The following PTPRD variants were observed in gnomAD, a reference collection of about 807,000 sequenced individuals.
The protein encoded by PTPRD is protein tyrosine phosphatase receptor type D.
A neutral mutation model predicts 214.5 loss-of-function variants in PTPRD; 34 were observed. The observed-to-expected ratio is 0.16, with a 90% CI of 0.12 to 0.21. The LOEUF (loss-of-function observed/expected upper bound fraction) is 0.21, where lower values mean the gene tolerates loss of function less well. Among genes scored for constraint, PTPRD ranks in the 10% least tolerant of loss-of-function variants. PTPRD has a pLI of 1.00. For synonymous variants in PTPRD, 1,128 were observed against 845.7 expected, an observed-to-expected ratio of 1.33 and a Z score of -5.79; for missense variants, 2,545 against 2,398.7, an observed-to-expected ratio of 1.06 and a Z score of -1.27.
intron 2 of PTPRD, among the ~76,000 whole-genome samples, chr9:10,355,311 T>C (rs2097256508): frequency 6.6e-6 from 1 of 152,144 alleles, no homozygotes; most frequent in African/African-American, 2.4e-5. Flanking sequence ...TCAACTAAAT[T>C]TGGGAACTAC....
intron 4 of PTPRD, among the ~76,000 whole-genome samples, chr9:10,024,403 T>G (rs1196921437): frequency 6.6e-6 from 1 of 152,174 alleles, no homozygotes; most frequent in Non-Finnish European, 1.5e-5. Context: ...ATGGAACCCC[T>G]TATTATATAA....
At chr9:10,121,024 G>T (rs553672059) in intron 3 of PTPRD, among the ~76,000 whole-genome samples, 2 of 152,010 alleles carry the variant, frequency 1.3e-5, no homozygotes, top group Non-Finnish European at 1.5e-5. Context: ...GACTAAATAG[G>T]GTTGTAGAAT....
intron 3 of PTPRD, among the ~76,000 whole-genome samples, chr9:10,244,079 A>G (rs1050427712): frequency 7.4e-5 from 11 of 149,090 alleles, no homozygotes; most frequent in Middle Eastern, 3.5e-3. Flanking sequence ...TAGAGAGCCT[A>G]CAATCACTGT....
intron 3 of PTPRD, among the ~76,000 whole-genome samples, chr9:10,158,550 G>A (rs998698727): frequency 3.9e-5 from 6 of 152,070 alleles, no homozygotes; most frequent in African/African-American, 1.5e-4. Flanking sequence ...TAGGAAACCA[G>A]AAACAAATAC....
At chr9:8,418,615 G>A (rs561044587) in intron 35 of PTPRD, among the ~76,000 whole-genome samples, 10 of 148,982 alleles carry the variant, frequency 6.7e-5, no homozygotes, top group African/African-American at 2.5e-4. Flanking sequence ...CAATTTCTGT[G>A]AAAGTCTTTC....
chr9:10,570,840 T>C (rs2067198147), intron 2 of PTPRD, among the ~76,000 whole-genome samples: 1 of 152,164 alleles, frequency 6.6e-6, no homozygotes. Flanking sequence ...ATGTCGTCAG[T>C]ATTACTGGAG....
At chr9:9,367,767 C>T (rs1396966307) in intron 9 of PTPRD, among the ~76,000 whole-genome samples, 3 of 151,590 alleles carry the variant, frequency 2.0e-5, no homozygotes, top group Non-Finnish European at 4.4e-5. Context: ...TATGCTAACT[C>T]GAATTTGCAA....
intron 9 of PTPRD, among the ~76,000 whole-genome samples, chr9:9,361,464 C>G (rs998896886): frequency 6.6e-6 from 1 of 150,906 alleles, no homozygotes; most frequent in Non-Finnish European, 1.5e-5. Context: ...TTACCTTGTT[C>G]ATAGTGTTTT....
At chr9:9,552,498 T>G (rs1210880030) in intron 8 of PTPRD, among the ~76,000 whole-genome samples, 1 of 152,092 alleles carries the variant, frequency 6.6e-6, no homozygotes, top group East Asian at 1.9e-4. Context: ...CTTTATAACT[T>G]ACTTCAGCTT....
intron 19 of PTPRD, among the ~76,000 whole-genome samples, chr9:8,522,579 G>A (rs1437834549): frequency 2.0e-5 from 3 of 152,124 alleles, no homozygotes; most frequent in South Asian, 2.1e-4. Context: ...ACATACAGCA[G>A]GACATGACAT....
At chr9:9,475,628 G>A (rs1314778556) in intron 8 of PTPRD, among the ~76,000 whole-genome samples, 1 of 152,096 alleles carries the variant, frequency 6.6e-6, no homozygotes, top group Non-Finnish European at 1.5e-5. Context: ...AGTGTCTTAC[G>A]AAATGGTAGG....
chr9:9,072,712 G>T (rs1275076563), intron 10 of PTPRD, among the ~76,000 whole-genome samples: 2 of 152,088 alleles, frequency 1.3e-5, no homozygotes, highest in Non-Finnish European at 2.9e-5. Context: ...TTTGCACATG[G>T]GAAATCTTAC....
chr9:10,333,635 T>G (rs1458754171), intron 3 of PTPRD, among the ~76,000 whole-genome samples: 1 of 151,810 alleles, frequency 6.6e-6, no homozygotes, highest in African/African-American at 2.4e-5. Context: ...AGCAAGGAAT[T>G]TTAAACTCAG....
chr9:9,748,892 G>T (rs190203648), intron 6 of PTPRD, among the ~76,000 whole-genome samples: 2 of 152,220 alleles, frequency 1.3e-5, no homozygotes, highest in East Asian at 3.9e-4. Flanking sequence ...TCTGCATACT[G>T]ATATTCATTT....
chr9:9,900,064 C>A (rs1478862271), intron 5 of PTPRD, among the ~76,000 whole-genome samples: 1 of 152,108 alleles, frequency 6.6e-6, no homozygotes, highest in Non-Finnish European at 1.5e-5. Context: ...ATTCTGTGTT[C>A]ATGGAGTGAA....
rs1010302566 is a variant in PTPRD at position 10,280,466 on chromosome 9, A to G, written c.-545+60497T>C. On this transcript the variant is annotated intron_variant, in intron 3 of 45. Transcript: ENST00000381196. ...ATTCAGAATGATTAGAGTAATAAAG[A>G]TGAGTTCAGAATAATTAAACAATAT... Among the ~76,000 whole-genome samples, 2 of 152,118 alleles carry G rather than the reference A, an allele frequency of 1.3e-5. 1 individual carries two copies. The highest frequency in any genetic ancestry group is 4.1e-4 in the South Asian group (2 of 4,822).
chr9:9,899,821 T>G (rs1050482768), intron 5 of PTPRD, among the ~76,000 whole-genome samples: 9 of 151,880 alleles, frequency 5.9e-5, no homozygotes, highest in African/African-American at 2.2e-4. Flanking sequence ...AAGAAACAGA[T>G]AAAGAAGATT....
chr9:9,705,738 A>C (rs2097587643), intron 7 of PTPRD, among the ~76,000 whole-genome samples: 1 of 152,214 alleles, frequency 6.6e-6, no homozygotes, highest in South Asian at 2.1e-4. Context: ...ATGTACAAAA[A>C]AATCAAAAAA....
chr9:10,349,656 A>G (rs1307748898), intron 2 of PTPRD, among the ~76,000 whole-genome samples: 1 of 152,212 alleles, frequency 6.6e-6, no homozygotes, highest in South Asian at 2.1e-4. Context: ...GGTCATTTTC[A>G]TTTCATAATA....
Sources: allele counts gnomAD v4.1 joint callset (sites outside exome capture counted in the v4.1 genomes callset), GRCh38; gene constraint gnomAD v4.1.1; transcripts MANE v1.5; gene names NCBI Gene and HGNC (gene_info 2026-07-23, HGNC 2026-07-21).